Variants in RALGAPA1 observed in about 807,000 individuals in gnomAD.
RALGAPA1 encodes the protein ral GTPase-activating protein subunit alpha-1.
In RALGAPA1, 52 loss-of-function variants were observed where a neutral mutation model predicts 269.6. The observed-to-expected ratio is 0.19, with a 90% CI of 0.15 to 0.24. The LOEUF is 0.24. Among genes scored for constraint, RALGAPA1 ranks in the 10% least tolerant of loss-of-function variants. The probability of loss-of-function intolerance (pLI) is 1.00; values close to 1 mark genes in which losing one functional copy is unlikely to be tolerated. For synonymous variants in RALGAPA1, 817 were observed against 1,008.3 expected (o/e 0.81, Z 3.60); for missense variants, 1,917 against 3,013.9 (o/e 0.64, Z 8.52).
chr14:35,570,841 G>T, intron 38 of RALGAPA1, 97 bp from the exon 39 acceptor site: 1 of 1,131,278 alleles, frequency 8.8e-7, no homozygotes, highest in Non-Finnish European at 1.2e-6. Context: ...TATTTCTGCT[G>T]CTTCTTTAGT....
intron 22 of RALGAPA1, chr14:35,677,367 T>A (rs1242431749): frequency 6.5e-6 from 1 of 153,432 alleles, no homozygotes; most frequent in Non-Finnish European, 1.4e-5. Context: ...TGCATATTTG[T>A]CTGATGTTTG....
chr14:35,645,597 G>A (rs1354894159), intron 31 of RALGAPA1, among the ~76,000 whole-genome samples: 1 of 151,936 alleles, frequency 6.6e-6, no homozygotes, highest in Non-Finnish European at 1.5e-5. Flanking sequence ...CAGGCGTGGT[G>A]GCGGGCGCCT....
chr14:35,683,505 A>G (rs1398157601), intron 21 of RALGAPA1: 4 of 193,818 alleles, frequency 2.1e-5, no homozygotes, highest in South Asian at 1.6e-4. Context: ...TACTCCATAT[A>G]CATATACATC....
rs1190176195 is a variant in RALGAPA1, at chr14:35,686,615, C to A, written c.4004G>T (p.Gly1335Val). ...ATCAGGAACATTAGCACTGCTGCCG[C>A]CAATATCACTATTAAGAGGAGGCAG... ...QKLPPLNSDI[G>V]GSSANVPDLM... Residue 1335 changes from glycine (G) to valine (V), a missense_variant, in exon 19 of 42, where the codon GGC becomes GTC. By Grantham distance (109) the Gly-to-Val change is moderately radical (BLOSUM62 -3). This residue lies in a region of RALGAPA1 where 615 missense variants were observed against 790.0 expected (regional missense o/e 0.78). Transcript: ENST00000680220. 5 of 1,608,166 alleles carry A rather than the reference C, an allele frequency of 3.1e-6. No individual in the cohort carries two copies. The highest frequency in any genetic ancestry group is 3.4e-6 in the Non-Finnish European group (4 of 1,176,692).
chr14:35,670,283 G>T (rs1033142110), intron 26 of RALGAPA1, among the ~76,000 whole-genome samples: 1 of 152,118 alleles, frequency 6.6e-6, no homozygotes, highest in Non-Finnish European at 1.5e-5. Flanking sequence ...ATGAAATAAG[G>T]TATGTTAAAC....
intron 12 of RALGAPA1, among the ~76,000 whole-genome samples, chr14:35,729,430 A>T (rs1393494777): frequency 2.0e-5 from 3 of 152,204 alleles, no homozygotes; most frequent in Non-Finnish European, 4.4e-5. Flanking sequence ...ATAGTAATAG[A>T]ACTTGAGAAA....
In RALGAPA1 at chr14:35,683,896, C is replaced by A. The variant is rs778820866; in HGVS notation, c.4384G>T (p.Val1462Leu). 5.0e-6 allele frequency: 8 copies of A among 1,613,000 alleles called. No individual in the cohort carries two copies. In the Admixed American group the frequency reaches 1.0e-4, roughly 20 times the overall value. Residue 1462 changes from valine (V) to leucine (L), a missense_variant, in exon 21 of 42, where the codon GTG becomes TTG. Coordinates refer to ENST00000680220, the MANE Select transcript of RALGAPA1 (RefSeq NM_001346249.2). The stretch of plus-strand genomic sequence containing the variant: ...ATATGAAGAGTAGTTAGACTAGCCA[C>A]TTCCTGCTCTTCAGCACTCTGATGA... Reference protein sequence around the residue: ...GHHQSAEEQEVASLTTLHIDS... With the variant: ...GHHQSAEEQELASLTTLHIDS...
chr14:35,607,350 G>C (rs539542634), intron 35 of RALGAPA1, among the ~76,000 whole-genome samples: 1 of 152,282 alleles, frequency 6.6e-6, no homozygotes, highest in African/African-American at 2.4e-5. Context: ...GGCTTCATCA[G>C]GGAAGAGACA....
rs558692043 is a variant in RALGAPA1, at chr14:35,661,677, T to C, written c.5329-2481A>G. Among the ~76,000 whole-genome samples the C allele has an allele frequency of 4.6e-5, 7 of 152,342 alleles. No individual in the cohort carries two copies. In the South Asian group the frequency reaches 1.4e-3, roughly 32 times the overall value. On this transcript the variant is annotated intron_variant, in intron 27 of 41. Transcript: ENST00000680220. ...TCATTCAATAAGCATTTGTCAGTCA[T>C]ACAACGTAAGTTCCTTAAGTCATAT... is the stretch of plus-strand genomic sequence containing the variant.
intron 31 of RALGAPA1, among the ~76,000 whole-genome samples, chr14:35,647,703 A>G (rs773204997): frequency 6.6e-6 from 1 of 152,234 alleles, no homozygotes; most frequent in Non-Finnish European, 1.5e-5. Flanking sequence ...CTGTAATCCC[A>G]GCACTTTGGG....
At chr14:35,657,970 C>G (rs913848605) in intron 28 of RALGAPA1, among the ~76,000 whole-genome samples, 3 of 152,098 alleles carry the variant, frequency 2.0e-5, no homozygotes, top group Non-Finnish European at 4.4e-5. Context: ...GCCTAGCAAG[C>G]ACATACAAAG....
At chr14:35,796,324 T>C (rs1311035891) in intron 1 of RALGAPA1, among the ~76,000 whole-genome samples, 1 of 152,066 alleles carries the variant, frequency 6.6e-6, no homozygotes, top group Non-Finnish European at 1.5e-5. Flanking sequence ...ATAGAAACTA[T>C]CCAAGATGAA....
At chr14:35,656,617 G>A (rs1199409428) in intron 28 of RALGAPA1, among the ~76,000 whole-genome samples, 1 of 152,144 alleles carries the variant, frequency 6.6e-6, no homozygotes. Flanking sequence ...CCTTCTTCTA[G>A]TATCCTGTTA....
chr14:35,732,327 T>A (rs2070564445), intron 12 of RALGAPA1, among the ~76,000 whole-genome samples: 1 of 151,242 alleles, frequency 6.6e-6, no homozygotes, highest in Non-Finnish European at 1.5e-5. Context: ...AAAATACGAT[T>A]TAAAAATCGA....
intron 6 of RALGAPA1, among the ~76,000 whole-genome samples, chr14:35,758,243 CAAAAAAAA>C (rs66473514): frequency 8.0e-5 from 4 of 49,750 alleles, no homozygotes; most frequent in Non-Finnish European, 4.0e-5. Context: ...GACTCTGTCT[CAAAAAAAA>C]AAAAAAAAAA....
At chr14:35,700,103 GA>G in intron 17 of RALGAPA1, 58 bp downstream of exon 17, 1 of 1,432,678 alleles carries the variant, frequency 7.0e-7, no homozygotes. Flanking sequence ...AGCAAAATTT[GA>G]AAGCAGAGGA....
At chr14:35,688,191 AT>A (rs1331932285) in intron 18 of RALGAPA1, among the ~76,000 whole-genome samples, 1 of 152,204 alleles carries the variant, frequency 6.6e-6, no homozygotes, top group Non-Finnish European at 1.5e-5. Context: ...TTGATAGGTT[AT>A]TGAAATTTTC....
chr14:35,564,687 C>T (rs930797635), intron 39 of RALGAPA1, among the ~76,000 whole-genome samples: 2 of 152,100 alleles, frequency 1.3e-5, no homozygotes, highest in Non-Finnish European at 2.9e-5. Context: ...ATAAAGTATT[C>T]TTTTAAAATG....
At chr14:35,641,214 T>C (rs538205101) in intron 31 of RALGAPA1, among the ~76,000 whole-genome samples, 130 of 152,190 alleles carry the variant, frequency 8.5e-4, no homozygotes, top group African/African-American at 3.0e-3. Flanking sequence ...ACCACTATCA[T>C]TTGACACAGT....
Sources: allele counts gnomAD v4.1 joint callset (sites outside exome capture counted in the v4.1 genomes callset), GRCh38; gene constraint gnomAD v4.1.1; regional missense constraint gnomAD v4.1.1; transcripts MANE v1.5; gene names NCBI Gene and HGNC (gene_info 2026-07-23, HGNC 2026-07-21).